The following CNOT6 variants were observed in gnomAD, a reference collection of about 807,000 sequenced individuals.
CNOT6 encodes carbon catabolite repression 4 protein.
Under a neutral mutation model 61.2 loss-of-function variants are expected in CNOT6, and 12 were observed. The ratio of observed to expected loss-of-function variants is 0.20; its 90% confidence interval spans 0.13 to 0.32. The LOEUF (loss-of-function observed/expected upper bound fraction) is 0.32, where lower values mean the gene tolerates loss of function less well. CNOT6 is among the 10% of genes least tolerant of loss of function. CNOT6 has a pLI of 1.00. For synonymous variants in CNOT6, 225 were observed against 240.6 expected (o/e 0.94, Z 0.60); for missense variants, 405 against 663.9 (o/e 0.61, Z 4.28).
At chr5:180,558,918 A>AC (rs1760035820) in intron 4 of CNOT6, among the ~76,000 whole-genome samples, 1 of 152,158 alleles carries the variant, frequency 6.6e-6, no homozygotes, top group Admixed American at 6.5e-5. Context: ...AGGTGGGACT[A>AC]CAAGCACTTT....
chr5:180,511,025 G>T (rs192396414), intron 1 of CNOT6, among the ~76,000 whole-genome samples: 3 of 152,156 alleles, frequency 2.0e-5, no homozygotes, highest in East Asian at 3.9e-4. Flanking sequence ...GGCTAGTCTC[G>T]AACTCCTGAC....
chr5:180,577,667 C>T lies in CNOT6; in HGVS notation c.*3467C>T, dbSNP rs1180045875. The T allele has an allele frequency of 6.6e-6, 1 of 152,612 alleles. No homozygotes were observed. The highest frequency in any genetic ancestry group is 2.1e-4 in the South Asian group (1 of 4,832). The allele number at this position is 152,612 out of a possible 1,614,324, so 9.5% of individuals were successfully genotyped here. On this transcript the variant is annotated 3_prime_UTR_variant, in exon 12 of 12. Transcript: ENST00000261951. Reference sequence around the variant, plus strand: ...AAGTATCTAGTCTTTATTCACAGTACATTATATTGTGTGATGCACTGGACT... The same window carrying T: ...AAGTATCTAGTCTTTATTCACAGTATATTATATTGTGTGATGCACTGGACT...
chr5:180,558,441 C>CCG (rs1339728150), intron 4 of CNOT6, among the ~76,000 whole-genome samples: 1 of 151,740 alleles, frequency 6.6e-6, no homozygotes, highest in Non-Finnish European at 1.5e-5. Context: ...TGACCTAAAG[C>CCG]CGCGGCCTGG....
chr5:180,568,169 G>T (rs1005707627), intron 9 of CNOT6, among the ~76,000 whole-genome samples, 166 bp downstream of exon 9: 1 of 151,102 alleles, frequency 6.6e-6, no homozygotes, highest in Non-Finnish European at 1.5e-5. Context: ...CTACCACAAA[G>T]CTTAACATGA....
rs897926612 is a variant in CNOT6, at chr5:180,569,062, G to C, written c.1028-48G>C. The C allele has an allele frequency of 3.6e-6, 5 of 1,384,166 alleles. No individual in the cohort carries two copies. In the African/African-American group the frequency reaches 7.1e-5, roughly 20 times the overall value. 85.7% of individuals were successfully genotyped at this position (1,384,166 alleles called of 1,614,324 possible). On this transcript the variant is annotated intron_variant, in intron 9 of 11. Transcript: ENST00000261951. The stretch of plus-strand genomic sequence containing the variant: ...CAGACGCTGTAAGAATATATGGGCT[G>C]ATGGGCGGGTTTTGTCTCTTTCTTT...
intron 2 of CNOT6, among the ~76,000 whole-genome samples, chr5:180,537,657 G>A (rs1311551326): frequency 6.6e-6 from 1 of 151,980 alleles, no homozygotes; most frequent in Non-Finnish European, 1.5e-5. Flanking sequence ...TATCAAATTA[G>A]GAAGAACATC....
At chr5:180,541,070 A>G (rs1434420019) in intron 2 of CNOT6, among the ~76,000 whole-genome samples, 1 of 152,074 alleles carries the variant, frequency 6.6e-6, no homozygotes, top group African/African-American at 2.4e-5. Context: ...TTTGCTGAGC[A>G]TAGAAATCTA....
At chr5:180,498,440 G>A (rs967928359) in intron 1 of CNOT6, among the ~76,000 whole-genome samples, 2 of 152,064 alleles carry the variant, frequency 1.3e-5, no homozygotes, top group African/African-American at 4.8e-5. Context: ...GGCAGTTTAC[G>A]GAAAATAACA....
intron 1 of CNOT6, among the ~76,000 whole-genome samples, chr5:180,524,877 G>A (rs1302124523): frequency 2.0e-5 from 3 of 152,208 alleles, no homozygotes; most frequent in Non-Finnish European, 4.4e-5. Flanking sequence ...TAGTTACTTT[G>A]TAAGTGGAGT....
chr5:180,571,173 C>A (rs947761290), intron 10 of CNOT6, 57 bp from the exon 11 acceptor site: 1 of 1,229,428 alleles, frequency 8.1e-7, no homozygotes, highest in Non-Finnish European at 1.2e-6. Context: ...ATTGCATGAT[C>A]TTTTAAAATT....
chr5:180,530,235 G>T (rs1295677607), intron 2 of CNOT6, among the ~76,000 whole-genome samples: 3 of 152,162 alleles, frequency 2.0e-5, no homozygotes, highest in African/African-American at 7.2e-5. Context: ...CAGACATACT[G>T]AGCATATGCT....
chr5:180,556,499 G>A (rs138462866), intron 4 of CNOT6, among the ~76,000 whole-genome samples: 1 of 152,224 alleles, frequency 6.6e-6, no homozygotes, highest in East Asian at 1.9e-4. Context: ...ATAACTGTGT[G>A]GAAACATCAC....
chr5:180,549,432 A>G (rs374043065), intron 2 of CNOT6, among the ~76,000 whole-genome samples: 51 of 152,194 alleles, frequency 3.4e-4, no homozygotes, highest in African/African-American at 8.2e-4. Context: ...GGCAGATCAC[A>G]AGGTCAGGAG....
chr5:180,566,286 G>C (rs1760450897), intron 7 of CNOT6, among the ~76,000 whole-genome samples: 1 of 152,208 alleles, frequency 6.6e-6, no homozygotes, highest in Non-Finnish European at 1.5e-5. Flanking sequence ...GCGTGGTCAA[G>C]CTATAACTTG....
chr5:180,570,525 C>CT (rs766005427), intron 10 of CNOT6, among the ~76,000 whole-genome samples: 15 of 152,168 alleles, frequency 9.9e-5, no homozygotes, highest in Non-Finnish European at 1.8e-4. Flanking sequence ...TCTCTACATG[C>CT]TTTCTACTTT....
At position 180,571,282 on chromosome 5, in the gene CNOT6, T is replaced by C. The variant is rs769890080; in HGVS notation, c.1311T>C (p.Phe437=). ...TGGVETNHKD[F]KELRYNESLT... ...GAGTAGAAACAAATCACAAAGACTT[T>C]AAGGAGTTGAGGTATAATGAAAGTC... The change falls in exon 11 of 12, where the codon TTT becomes TTC. Residue 437 remains phenylalanine, a synonymous_variant. Coordinates refer to ENST00000261951, the MANE Select transcript of CNOT6 (RefSeq NM_001370472.1). The C allele has an allele frequency of 1.9e-6, 3 of 1,614,172 alleles. No homozygotes were observed. The highest frequency in any genetic ancestry group is 1.1e-5 in the South Asian group (1 of 91,086).
At chr5:180,557,325 G>A (rs147855268) in intron 4 of CNOT6, among the ~76,000 whole-genome samples, 52 of 152,240 alleles carry the variant, frequency 3.4e-4, no homozygotes, top group Middle Eastern at 3.4e-3. Context: ...ATTGCTAAGT[G>A]GTTTTCTGTA....
At chr5:180,497,718 T>C (rs1017201878) in intron 1 of CNOT6, among the ~76,000 whole-genome samples, 2 of 152,254 alleles carry the variant, frequency 1.3e-5, no homozygotes, top group South Asian at 2.1e-4. Context: ...ATAACAAAAG[T>C]GTGATTAATA....
intron 3 of CNOT6, among the ~76,000 whole-genome samples, chr5:180,550,885 A>G (rs1759561307): frequency 6.6e-6 from 1 of 152,188 alleles, no homozygotes; most frequent in African/African-American, 2.4e-5. Flanking sequence ...AGCATGAAAT[A>G]TATAGCATTT....
Sources: allele counts gnomAD v4.1 joint callset (sites outside exome capture counted in the v4.1 genomes callset), GRCh38; gene constraint gnomAD v4.1.1; transcripts MANE v1.5; gene names NCBI Gene and HGNC (gene_info 2026-07-23, HGNC 2026-07-21).